RXYLT1: variants seen among roughly 807,000 people sequenced by gnomAD.
RXYLT1 encodes the protein ribitol-5-phosphate xylosyltransferase 1.
In RXYLT1, 41 loss-of-function variants were observed where a neutral mutation model predicts 43.5. The ratio of observed to expected loss-of-function variants is 0.94; its 90% CI spans 0.73 to 1.22. The LOEUF (loss-of-function observed/expected upper bound fraction) is 1.22, where lower values mean the gene tolerates loss of function less well. Ranked by LOEUF, RXYLT1 falls within the 50% of genes most tolerant of loss-of-function variation. The pLI is 0.00. For missense variants in RXYLT1, 514 were observed against 532.0 expected (o/e 0.97, Z 0.33); for synonymous variants, 166 against 194.4 (o/e 0.85, Z 1.21).
rs547950140 is a variant in RXYLT1, at chr12:63,795,745, T to C, written c.429-6346T>C. ...ACTCATTTCTCCTCTATTTGAGCAT[T>C]TATCTCTATGAACTTTAATCTATAG... On this transcript the variant is annotated intron_variant, in intron 3 of 5. Coordinates refer to ENST00000261234, the MANE Select transcript of RXYLT1 (RefSeq NM_014254.3). 5.9e-5 allele frequency: 9 copies of C among 152,256 alleles called. No homozygotes were observed. In the East Asian group the frequency reaches 1.7e-3, roughly 29 times the overall value. The allele number at this position is 152,256 out of a possible 1,614,324, so 9.4% of individuals were successfully genotyped here.
chr12:63,791,641 A>G (rs1897921530), intron 3 of RXYLT1, among the ~76,000 whole-genome samples: 1 of 152,232 alleles, frequency 6.6e-6, no homozygotes, highest in South Asian at 2.1e-4. Flanking sequence ...TTTCATTGGT[A>G]AACAAAGACA....
chr12:63,800,937 G>T (rs1175758227), intron 3 of RXYLT1, among the ~76,000 whole-genome samples: 4 of 151,652 alleles, frequency 2.6e-5, no homozygotes, highest in Non-Finnish European at 5.9e-5. Flanking sequence ...AAAAAAAATG[G>T]TAATACAACA....
At chr12:63,803,954 AGC>A (rs1898225151) in intron 4 of RXYLT1, 1 of 147,946 alleles carries the variant, frequency 6.8e-6, no homozygotes, top group Admixed American at 6.9e-5. Flanking sequence ...CCCAGGTTCT[AGC>A]CATTCTCCTG....
chr12:63,807,513 T>A (rs535715517), intron 5 of RXYLT1: 1 of 152,320 alleles, frequency 6.6e-6, no homozygotes, highest in East Asian at 1.9e-4. Flanking sequence ...CCTTTCTTAC[T>A]TTATGACCCT....
chr12:63,808,546 C>A, intron 5 of RXYLT1, 129 bp from the exon 6 acceptor site: 1 of 998,484 alleles, frequency 1.0e-6, no homozygotes. Context: ...TTGGATATCT[C>A]TTATGCCTAT....
chr12:63,802,108 C>G lies in RXYLT1; in HGVS notation c.446C>G (p.Ala149Gly). ...RTQYSFITGPAVIPGYFSVDV... is the reference protein window; with the variant it reads ...RTQYSFITGPGVIPGYFSVDV... ...TTTAACAGCTTCATCACTGGTCCAG[C>G]TGTAATACCAGGGTACTTCTCCGTT... The change falls in exon 4 of 6, where the codon GCT becomes GGT. Residue 149 changes from alanine to glycine, a missense_variant. Transcript: ENST00000261234. 6.2e-7 allele frequency: 1 copy of G among 1,600,756 alleles called. No individual in the cohort carries two copies. Among genetic ancestry groups the G allele is most frequent in the South Asian group, 1.1e-5 (1 of 88,988 alleles).
At chr12:63,792,446 T>TA (rs568624803) in intron 3 of RXYLT1, among the ~76,000 whole-genome samples, 285 of 152,364 alleles carry the variant, frequency 1.9e-3, no homozygotes, top group African/African-American at 6.6e-3. Context: ...TCTTGGCTCT[T>TA]ATGCCTCTTC....
rs1374223209 is a variant in RXYLT1, at chr12:63,780,120, C to G, written c.160C>G (p.Arg54Gly). 1 of 1,521,600 alleles carries G rather than the reference C, an allele frequency of 6.6e-7. No individual in the cohort carries two copies. The highest frequency in any genetic ancestry group is 2.1e-5 in the Admixed American group (1 of 47,470). The allele number at this position is 1,521,600 out of a possible 1,614,324, so 94.3% of individuals were successfully genotyped here. A position where few individuals can be genotyped will look rare whatever the true frequency, so the allele number is the denominator to read the frequency against. ...RKGAAPARER[R>G]GREQSTLESE... ...GGGGGCGGCCCCCGCGCGGGAGAGA[C>G]GCGGCCGAGGTAGGACTGGGTCGGC... The change falls in exon 1 of 6, where the codon CGC becomes GGC. Residue 54 changes from arginine (R) to glycine (G), a missense_variant. By Grantham distance (125) the Arg-to-Gly change is moderately radical. Transcript: ENST00000261234.
rs141095352 is a variant in RXYLT1 at position 63,781,101 on chromosome 12, C to T, written c.252C>T (p.Ser84=). ...AGCAACAACACAGATTTAAAACTAG[C>T]CTTCAAATATTAGATAAATCCACGA... ...KNEQQHRFKT[S]LQILDKSTKG... The change falls in exon 2 of 6, where the codon AGC becomes AGT. Residue 84 remains serine, a synonymous_variant. Transcript: ENST00000261234. 2.0e-3 allele frequency: 3,287 copies of T among 1,608,766 alleles called. 9 individuals are homozygous for T. The highest frequency in any genetic ancestry group is 2.6e-3 in the Non-Finnish European group (3,086 of 1,177,974).
chr12:63,782,075 A>T (rs938662386), intron 2 of RXYLT1, among the ~76,000 whole-genome samples: 3 of 152,098 alleles, frequency 2.0e-5, no homozygotes, highest in African/African-American at 7.2e-5. Flanking sequence ...TAAATCTCAG[A>T]TTTTCATTTC....
At chr12:63,792,793 T>A (rs1165487957) in intron 3 of RXYLT1, among the ~76,000 whole-genome samples, 2 of 152,240 alleles carry the variant, frequency 1.3e-5, no homozygotes, top group African/African-American at 4.8e-5. Flanking sequence ...AAATGACTAG[T>A]AAAGATGGGA....
intron 2 of RXYLT1, among the ~76,000 whole-genome samples, chr12:63,783,853 T>C (rs942824020): frequency 2.0e-5 from 3 of 152,204 alleles, no homozygotes; most frequent in Admixed American, 6.5e-5. Context: ...GTGGGGTCTG[T>C]GTTACTTTTT....
Position 63,780,080 on chromosome 12 carries a change from G to T in RXYLT1, c.120G>T (p.Pro40=). Residue 40 remains proline, a synonymous_variant, in exon 1 of 6, where the codon CCG becomes CCT. Transcript: ENST00000261234. The stretch of plus-strand genomic sequence containing the variant: ...GCCGCCAGGCGCCGGCCGGGTCCCC[G>T]CGGGGCCTCAGGAAGGGGGCGGCCC... The part of the protein sequence containing the change: ...GRRRQAPAGS[P]RGLRKGAAPA... 1 of 1,593,556 alleles carries T rather than the reference G, an allele frequency of 6.3e-7. No homozygotes were observed. The highest frequency in any genetic ancestry group is 8.5e-7 in the Non-Finnish European group (1 of 1,173,584).
intron 1 of RXYLT1, chr12:63,780,382 C>A: frequency 2.3e-6 from 3 of 1,282,296 alleles, no homozygotes; most frequent in Non-Finnish European, 2.9e-6. Context: ...GCCTTTCAAA[C>A]ACGTGTTAAA....
chr12:63,804,093 T>A (rs1057263324), intron 4 of RXYLT1: 3 of 152,294 alleles, frequency 2.0e-5, no homozygotes, highest in African/African-American at 7.2e-5. Flanking sequence ...CCTCAAGTGA[T>A]CTGCCTGCCT....
chr12:63,781,086 C>G lies in RXYLT1; in HGVS notation c.237C>G (p.His79Gln), dbSNP rs200620643. The G allele has an allele frequency of 2.5e-4, 402 of 1,609,822 alleles. No homozygotes were observed. The highest frequency in any genetic ancestry group is 3.2e-4 in the Non-Finnish European group (379 of 1,178,446). ...GAGATGAAAAAAATGAGCAACAACA[C>G]AGATTTAAAACTAGCCTTCAAATAT... ...WEGDEKNEQQHRFKTSLQILD... is the reference protein window; with the variant it reads ...WEGDEKNEQQQRFKTSLQILD... Residue 79 changes from histidine to glutamine, a missense_variant, in exon 2 of 6, where the codon CAC becomes CAG. His to Gln is a conservative substitution (Grantham distance 24). Transcript: ENST00000261234.
At chr12:63,784,913 A>C in intron 2 of RXYLT1, 57 bp from the exon 3 acceptor site, 1 of 1,453,014 alleles carries the variant, frequency 6.9e-7, no homozygotes, top group Non-Finnish European at 9.6e-7. Flanking sequence ...TGTCTCATGC[A>C]CTAAAGTAGA....
chr12:63,788,587 G>C (rs1026193079), intron 3 of RXYLT1, among the ~76,000 whole-genome samples: 2 of 152,208 alleles, frequency 1.3e-5, no homozygotes, highest in African/African-American at 4.8e-5. Flanking sequence ...GGCAACGTCA[G>C]ACTTTTCTCC....
intron 3 of RXYLT1, among the ~76,000 whole-genome samples, chr12:63,794,629 T>C (rs1897988158): frequency 6.6e-6 from 1 of 152,080 alleles, no homozygotes; most frequent in Non-Finnish European, 1.5e-5. Context: ...TATGTACTGC[T>C]TGGAGCAACA....
Sources: gnomAD v4.1 joint callset for allele counts (sites outside exome capture counted in the v4.1 genomes callset) on GRCh38, gnomAD v4.1.1 for gene constraint, MANE v1.5 for transcripts, NCBI Gene and HGNC (gene_info 2026-07-23, HGNC 2026-07-21) for gene names.